SOX6: variants seen among roughly 807,000 people sequenced by gnomAD.
The protein encoded by SOX6 is transcription factor SOX-6.
A neutral mutation model predicts 97.8 loss-of-function variants in SOX6; 11 were observed. That is an observed-to-expected ratio of 0.11 (90% CI 0.07 to 0.19). The LOEUF (loss-of-function observed/expected upper bound fraction) is 0.19. Ranked by LOEUF, SOX6 falls within the 10% of genes least tolerant of loss-of-function variation. The pLI is 1.00. For synonymous variants in SOX6, 360 were observed against 371.4 expected (o/e 0.97, Z 0.35); for missense variants, 810 against 1,039.5 (o/e 0.78, Z 3.04).
At chr11:16,062,170 T>G (rs1312404397) in intron 9 of SOX6, among the ~76,000 whole-genome samples, 1 of 151,578 alleles carries the variant, frequency 6.6e-6, no homozygotes, top group African/African-American at 2.4e-5. Flanking sequence ...TTATACTGTT[T>G]GAGCCATAAC....
At chr11:16,035,782 C>T (rs1707304470) in intron 12 of SOX6, among the ~76,000 whole-genome samples, 2 of 152,176 alleles carry the variant, frequency 1.3e-5, no homozygotes, top group South Asian at 4.1e-4. Flanking sequence ...CCATACTTAT[C>T]TCTATTAGCA....
At chr11:16,734,467 C>T (rs959562908) in intron 2 of SOX6, among the ~76,000 whole-genome samples, 2 of 152,200 alleles carry the variant, frequency 1.3e-5, no homozygotes, top group Non-Finnish European at 2.9e-5. Context: ...CTTCTAACCT[C>T]AGGCTCTTCT....
rs188697926 is a variant in SOX6 at position 16,365,785 on chromosome 11, G to T, written c.-4-24533C>A. On this transcript the variant is annotated intron_variant, in intron 1 of 15. Transcript: ENST00000396356. The stretch of plus-strand genomic sequence containing the variant: ...GGTGTCATGTTGACATCCTGTTGAC[G>T]ATGTTCATGATTTTTTATGCCTTCA... 3.9e-5 allele frequency among the ~76,000 whole-genome samples: 6 copies of T among 152,216 alleles called. 1 individual carries two copies. The highest frequency in any genetic ancestry group is 1.4e-4 in the African/African-American group (6 of 41,552).
chr11:16,461,393 C>T lies in SOX6; in HGVS notation c.-5+14922G>A, dbSNP rs116315984. ...CAAAAGCGAAGCTCTTGGCATGCTC[C>T]TGGACTATTTGGTTGTGATGGTCCC... On this transcript the variant is annotated intron_variant, in intron 1 of 15. Coordinates refer to the SOX6 transcript ENST00000396356. Among the ~76,000 whole-genome samples, 283 of 152,214 alleles carry T rather than the reference C, an allele frequency of 1.9e-3. 1 individual carries two copies. Among genetic ancestry groups the T allele is most frequent in the African/African-American group, 6.5e-3 (269 of 41,524 alleles).
chr11:16,260,571 T>C (rs1426919107), intron 3 of SOX6, among the ~76,000 whole-genome samples: 2 of 152,112 alleles, frequency 1.3e-5, no homozygotes, highest in Non-Finnish European at 2.9e-5. Flanking sequence ...TTATAAGATC[T>C]CAAGGTGTCT....
intron 3 of SOX6, among the ~76,000 whole-genome samples, chr11:16,677,822 T>C (rs1590048582): frequency 6.6e-6 from 1 of 152,210 alleles, no homozygotes; most frequent in African/African-American, 2.4e-5. Flanking sequence ...AGTGAAGCTA[T>C]CTGGCACTGG....
chr11:16,227,228 T>C (rs779351815), intron 4 of SOX6, among the ~76,000 whole-genome samples: 6 of 152,200 alleles, frequency 3.9e-5, no homozygotes, highest in Non-Finnish European at 5.9e-5. Context: ...TGAAAGTCAG[T>C]CTTCTAATTA....
chr11:16,401,586 G>A (rs1858559440), intron 1 of SOX6, among the ~76,000 whole-genome samples: 1 of 151,232 alleles, frequency 6.6e-6, no homozygotes. Flanking sequence ...AGTTGTCTTG[G>A]GCAAGTCATT....
intron 7 of SOX6, among the ~76,000 whole-genome samples, chr11:16,105,968 A>G (rs1849070485): frequency 6.6e-6 from 1 of 152,158 alleles, no homozygotes; most frequent in Non-Finnish European, 1.5e-5. Context: ...ATTAAAAAGA[A>G]CTAAACACTT....
intron 1 of SOX6, among the ~76,000 whole-genome samples, chr11:16,475,036 C>T (rs1860208252): frequency 6.6e-6 from 1 of 152,146 alleles, no homozygotes; most frequent in African/African-American, 2.4e-5. Context: ...CCTTGTGAAC[C>T]AATCTCTGCT....
chr11:16,686,932 C>T (rs1847973687), intron 3 of SOX6, among the ~76,000 whole-genome samples: 1 of 152,028 alleles, frequency 6.6e-6, no homozygotes, highest in Admixed American at 6.5e-5. Flanking sequence ...CACTGCACTC[C>T]AGCCTGGGTG....
intron 4 of SOX6, among the ~76,000 whole-genome samples, chr11:16,566,200 C>A (rs1312334709): frequency 6.6e-6 from 1 of 151,576 alleles, no homozygotes; most frequent in Non-Finnish European, 1.5e-5. Context: ...AGTTTGAGAA[C>A]CTCTGATTTA....
intron 4 of SOX6, among the ~76,000 whole-genome samples, chr11:16,560,054 C>T (rs1489191845): frequency 6.6e-6 from 1 of 152,102 alleles, no homozygotes; most frequent in Non-Finnish European, 1.5e-5. Context: ...GTCAGACTGC[C>T]CTTAAGAGCA....
In SOX6 at chr11:16,106,582, C is replaced by T. The variant is rs777686289; in HGVS notation, c.898+5221G>A. On this transcript the variant is annotated intron_variant, in intron 7 of 15. Transcript: ENST00000683767. ...AAAAGGTTTTACCTTACACAGTATACAAAAATCAACTCAAATGGATCAAAG... is the reference window on the plus strand; with the variant it reads ...AAAAGGTTTTACCTTACACAGTATATAAAAATCAACTCAAATGGATCAAAG... Among the ~76,000 whole-genome samples, 265 of 151,930 alleles carry T rather than the reference C, an allele frequency of 1.7e-3. 1 individual carries two copies. The highest frequency in any genetic ancestry group is 3.2e-3 in the Non-Finnish European group (217 of 67,890).
chr11:16,735,259 C>T, intron 2 of SOX6, among the ~76,000 whole-genome samples: 1 of 152,190 alleles, frequency 6.6e-6, no homozygotes, highest in South Asian at 2.1e-4. Context: ...AATTTTGTCT[C>T]AGAATACAAT....
At chr11:16,655,097 G>A (rs902574805) in intron 3 of SOX6, among the ~76,000 whole-genome samples, 4 of 152,182 alleles carry the variant, frequency 2.6e-5, no homozygotes, top group African/African-American at 9.7e-5. Context: ...AGTGAAGGGA[G>A]AATTCACCCA....
chr11:16,317,480 A>T (rs1354397249), intron 3 of SOX6: 1 of 152,202 alleles, frequency 6.6e-6, no homozygotes, highest in East Asian at 1.9e-4. Context: ...AGTCTACTGT[A>T]TTATGACCCT....
chr11:16,403,289 A>G (rs1858606729), intron 1 of SOX6, among the ~76,000 whole-genome samples: 1 of 151,702 alleles, frequency 6.6e-6, no homozygotes, highest in African/African-American at 2.4e-5. Context: ...CTAAACAGAG[A>G]ACTTAATTGT....
intron 3 of SOX6, among the ~76,000 whole-genome samples, chr11:16,700,827 A>G (rs949068814): frequency 5.3e-5 from 8 of 152,114 alleles, no homozygotes; most frequent in Non-Finnish European, 8.8e-5. Flanking sequence ...GTGCACCAGC[A>G]TTTCTTGGTT....
Sources: gnomAD v4.1 joint callset for allele counts (sites outside exome capture counted in the v4.1 genomes callset) on GRCh38, gnomAD v4.1.1 for gene constraint, MANE v1.5 for transcripts, NCBI Gene and HGNC (gene_info 2026-07-23, HGNC 2026-07-21) for gene names.